FBXW10B: variants seen among roughly 807,000 people sequenced by gnomAD.
FBXW10B encodes F-box and WD repeat domain containing protein 10B.
At chr17:15,615,557 C>A in the FBXW10B span, 1 of 1,568,578 alleles carries the variant, frequency 6.4e-7, no homozygotes, top group Non-Finnish European at 8.7e-7. Flanking sequence ...TCATGATCTG[C>A]TTGCCTCGGC....
At chr17:15,589,578 T>C in the FBXW10B span, among the ~76,000 whole-genome samples, 12 of 150,976 alleles carry the variant, frequency 7.9e-5, no homozygotes, top group Non-Finnish European at 1.0e-4. Context: ...GTTCATACTG[T>C]CTATAGTAAA....
chr17:15,589,844 A>G, the FBXW10B span, among the ~76,000 whole-genome samples: 6 of 152,152 alleles, frequency 3.9e-5, no homozygotes, highest in Admixed American at 2.0e-4. Flanking sequence ...GAAACTTTTC[A>G]TAAAAGCTCT....
the FBXW10B span, chr17:15,588,703 A>G: frequency 3.0e-6 from 2 of 664,014 alleles, no homozygotes; most frequent in Admixed American, 2.5e-5. Flanking sequence ...TTTGTTTCAT[A>G]AAGAGGATTC....
chr17:15,594,859 C>G, the FBXW10B span: 4 of 1,613,708 alleles, frequency 2.5e-6, no homozygotes, highest in African/African-American at 5.4e-5. Context: ...AAAGAACAGG[C>G]ATTTCACAGC....
At chr17:15,585,118 A>T in the FBXW10B span, among the ~76,000 whole-genome samples, 4,991 of 151,810 alleles carry the variant, frequency 0.033, 251 homozygotes, top group African/African-American at 0.11. Flanking sequence ...AAATTACCTT[A>T]TTGGAAGAAG....
chr17:15,576,363 AG>A, the FBXW10B span, among the ~76,000 whole-genome samples: 1 of 152,224 alleles, frequency 6.6e-6, no homozygotes, highest in South Asian at 2.1e-4. Context: ...TAATGCTCAA[AG>A]TTTTATAATC....
the FBXW10B span, among the ~76,000 whole-genome samples, chr17:15,616,335 AT>A: frequency 1.3e-5 from 2 of 151,280 alleles, no homozygotes; most frequent in Admixed American, 1.3e-4. Context: ...ACACCTGGCT[AT>A]TTTTTGTATT....
chr17:15,600,026 C>T, the FBXW10B span, among the ~76,000 whole-genome samples: 32,849 of 150,998 alleles, frequency 0.22, 3,908 homozygotes, highest in East Asian at 0.35. Flanking sequence ...ACCATCCTGG[C>T]TAACATGGTG....
the FBXW10B span, among the ~76,000 whole-genome samples, chr17:15,586,487 C>T: frequency 6.6e-6 from 1 of 151,850 alleles, no homozygotes; most frequent in East Asian, 1.9e-4. Flanking sequence ...CCTGTTCAGA[C>T]ATGTTATAAC....
chr17:15,612,268 G>C, the FBXW10B span, among the ~76,000 whole-genome samples: 1 of 152,140 alleles, frequency 6.6e-6, no homozygotes, highest in African/African-American at 2.4e-5. Flanking sequence ...AGCACTTTGG[G>C]AGGCCGAGGC....
chr17:15,571,084 G>A, the FBXW10B span, among the ~76,000 whole-genome samples: 13 of 152,174 alleles, frequency 8.5e-5, no homozygotes, highest in Non-Finnish European at 1.8e-4. Flanking sequence ...AGTGGCTCAC[G>A]CCTGTAATCC....
At chr17:15,617,383 G>A in the FBXW10B span, among the ~76,000 whole-genome samples, 1 of 152,014 alleles carries the variant, frequency 6.6e-6, no homozygotes, top group African/African-American at 2.4e-5. Flanking sequence ...CCCCCTCCCA[G>A]CTTTCTCCCA....
the FBXW10B span, chr17:15,568,904 C>T: frequency 8.1e-7 from 1 of 1,231,738 alleles, no homozygotes; most frequent in East Asian, 3.2e-5. Context: ...AGTGCTTTAG[C>T]TTCAGCCCAT....
chr17:15,566,854 A>G, the FBXW10B span, among the ~76,000 whole-genome samples: 2 of 151,050 alleles, frequency 1.3e-5, no homozygotes, highest in African/African-American at 4.9e-5. Context: ...GTGAGCCACC[A>G]CAGCCGGCCA....
At chr17:15,619,577 GAGGA>G in the FBXW10B span, 1 of 1,557,612 alleles carries the variant, frequency 6.4e-7, no homozygotes, top group East Asian at 2.3e-5. Flanking sequence ...CCAAACACTA[GAGGA>G]ACGGGGGGAA....
At chr17:15,584,374 C>T in the FBXW10B span, among the ~76,000 whole-genome samples, 2 of 152,068 alleles carry the variant, frequency 1.3e-5, no homozygotes, top group African/African-American at 2.4e-5. Flanking sequence ...AGCATATTCT[C>T]AATTTTTTTT....
the FBXW10B span, chr17:15,593,413 T>C: frequency 6.2e-7 from 1 of 1,613,890 alleles, no homozygotes; most frequent in East Asian, 2.2e-5. Context: ...CAGTTCCCAT[T>C]GAAGAAATTG....
At chr17:15,596,929 C>A in the FBXW10B span, among the ~76,000 whole-genome samples, 1 of 152,154 alleles carries the variant, frequency 6.6e-6, no homozygotes, top group African/African-American at 2.4e-5. Context: ...GGAACTTAGC[C>A]TTGAGGCCCA....
the FBXW10B span, among the ~76,000 whole-genome samples, chr17:15,602,029 A>G: frequency 8.6e-4 from 131 of 151,704 alleles, no homozygotes; most frequent in South Asian, 1.3e-3. Context: ...GGAGAATGGC[A>G]TGATCACGGA....
Sources: allele counts gnomAD v4.1 joint callset (sites outside exome capture counted in the v4.1 genomes callset), GRCh38; gene constraint gnomAD v4.1.1; transcripts MANE v1.5; gene names NCBI Gene and HGNC (gene_info 2026-07-23, HGNC 2026-07-21).